The following CNOT1 variants were observed in gnomAD, a reference collection of about 807,000 sequenced individuals.
The protein encoded by CNOT1 is CCR4-NOT transcription complex subunit 1, also known as CCR4-associated factor 1.
Under a neutral mutation model 273.8 loss-of-function variants are expected in CNOT1, and 15 were observed. That is an observed-to-expected ratio of 0.05 (90% CI 0.04 to 0.08). The LOEUF (loss-of-function observed/expected upper bound fraction) is 0.08. Ranked by LOEUF, CNOT1 falls within the 10% of genes least tolerant of loss-of-function variation. The probability of loss-of-function intolerance (pLI) is 1.00; values close to 1 mark genes in which losing one functional copy is unlikely to be tolerated. For synonymous variants in CNOT1, 1,022 were observed against 1,005.5 expected, an observed-to-expected ratio of 1.02 and a Z score of -0.31; for missense variants, 1,644 against 2,912.2, an observed-to-expected ratio of 0.56 and a Z score of 10.02.
At chr16:58,528,446 A>G in intron 44 of CNOT1, 29 bp downstream of exon 44, 1 of 1,536,066 alleles carries the variant, frequency 6.5e-7, no homozygotes, top group Non-Finnish European at 9.0e-7. Context: ...TTAAGACATA[A>G]GTTTTCCTTT....
chr16:58,528,451 T>C (rs2039675028), intron 44 of CNOT1, 24 bp downstream of exon 44: 1 of 1,571,246 alleles, frequency 6.4e-7, no homozygotes, highest in African/African-American at 1.4e-5. Context: ...ACATAAGTTT[T>C]CCTTTAACTA....
rs978941896 is a variant in CNOT1 at position 58,526,341 on chromosome 16, T to C, written c.6454-203A>G. 2.0e-5 allele frequency among the ~76,000 whole-genome samples: 3 copies of C among 152,010 alleles called. No homozygotes were observed. In the East Asian group the frequency reaches 5.8e-4, roughly 29 times the overall value. ...ATGATAAAAATTTCCCACTCTATAATGTATTTCCTTCCCAGAGGCAAGATA... is the reference window on the plus strand; with the variant it reads ...ATGATAAAAATTTCCCACTCTATAACGTATTTCCTTCCCAGAGGCAAGATA... On this transcript the variant is annotated intron_variant, in intron 44 of 48. Coordinates refer to ENST00000317147, the MANE Select transcript of CNOT1 (RefSeq NM_016284.5).
At chr16:58,527,653 G>A (rs1448487349) in intron 44 of CNOT1, among the ~76,000 whole-genome samples, 1 of 152,138 alleles carries the variant, frequency 6.6e-6, no homozygotes, top group East Asian at 1.9e-4. Context: ...GGTATCATAA[G>A]CACTACAGAT....
rs773593983 is a variant in CNOT1, at chr16:58,587,353, C to T, written c.370G>A (p.Val124Ile). The change falls in exon 5 of 49, where the codon GTA becomes ATA. Residue 124 changes from valine to isoleucine, a missense_variant. Around this residue, in one of 13 missense-constraint regions of CNOT1, gnomAD observed 706 missense variants for 1,021.2 expected, o/e 0.69. Transcript: ENST00000317147. ...QLSKVLKLSK[V>I]QEVIFGLALL... Reference sequence around the variant, plus strand: ...TTTCATAAATCACTCACCTCTTGTACTTTGCTTAATTTGAGCACTTTACTC... The same window carrying T: ...TTTCATAAATCACTCACCTCTTGTATTTTGCTTAATTTGAGCACTTTACTC... 1 of 1,614,004 alleles carries T rather than the reference C, an allele frequency of 6.2e-7. No homozygotes were observed. Among genetic ancestry groups the T allele is most frequent in the Non-Finnish European group, 8.5e-7 (1 of 1,179,968 alleles).
chr16:58,525,904 C>T (rs78673487), intron 45 of CNOT1, 85 bp downstream of exon 45: 11 of 1,154,600 alleles, frequency 9.5e-6, no homozygotes, highest in Admixed American at 4.3e-5. Context: ...AAAAGACTAA[C>T]TCCCAAATGG....
chr16:58,565,255 C>T (rs1265215747), intron 16 of CNOT1, among the ~76,000 whole-genome samples: 2 of 152,030 alleles, frequency 1.3e-5, no homozygotes, highest in Non-Finnish European at 2.9e-5. Flanking sequence ...TGGGACTCCA[C>T]GCATACAGAC....
chr16:58,590,310 A>C (rs530124078), intron 2 of CNOT1, among the ~76,000 whole-genome samples: 2 of 152,304 alleles, frequency 1.3e-5, no homozygotes, highest in African/African-American at 4.8e-5. Flanking sequence ...TTATAGTCCA[A>C]CTTCAAAGCC....
chr16:58,525,038 T>C (rs2039540172), intron 46 of CNOT1, 141 bp downstream of exon 46: 1 of 742,074 alleles, frequency 1.3e-6, no homozygotes, highest in Admixed American at 2.7e-5. Flanking sequence ...AAAGATAAAA[T>C]AATCAGCTAG....
intron 1 of CNOT1, among the ~76,000 whole-genome samples, chr16:58,613,242 C>T (rs967265442): frequency 1.3e-5 from 2 of 151,920 alleles, no homozygotes; most frequent in African/African-American, 2.4e-5. Flanking sequence ...TCATGTTGGC[C>T]AGGCTGGTCT....
intron 43 of CNOT1, among the ~76,000 whole-genome samples, chr16:58,529,661 G>A (rs973959070): frequency 1.3e-5 from 2 of 151,680 alleles, no homozygotes; most frequent in Non-Finnish European, 2.9e-5. Flanking sequence ...AATGTAATGA[G>A]ATCCCCCATG....
intron 2 of CNOT1, among the ~76,000 whole-genome samples, chr16:58,591,674 A>G (rs1357791666): frequency 6.6e-6 from 1 of 151,974 alleles, no homozygotes; most frequent in African/African-American, 2.4e-5. Context: ...GAATCGCTTG[A>G]ACCCAGGAGG....
At chr16:58,566,463 T>C (rs1165206116) in intron 16 of CNOT1, among the ~76,000 whole-genome samples, 3 of 151,300 alleles carry the variant, frequency 2.0e-5, no homozygotes, top group Non-Finnish European at 4.4e-5. Flanking sequence ...AATAAAAACA[T>C]TTTGCGCAAT....
intron 1 of CNOT1, among the ~76,000 whole-genome samples, chr16:58,610,633 G>A (rs188789374): frequency 2.2e-4 from 33 of 152,182 alleles, no homozygotes; most frequent in Non-Finnish European, 2.4e-4. Context: ...CACAAGGTCA[G>A]GAGATCGAAA....
At position 58,530,286 on chromosome 16, in the gene CNOT1, C is replaced by G; in HGVS notation, c.6239G>C (p.Arg2080Thr). The G allele has an allele frequency of 6.2e-7, 1 of 1,612,256 alleles. No homozygotes were observed. Among genetic ancestry groups the G allele is most frequent in the Non-Finnish European group, 8.5e-7 (1 of 1,178,764 alleles). Reference protein sequence around the residue: ...DLFKYLAPFLRNVELTKPMQI... With the variant: ...DLFKYLAPFLTNVELTKPMQI... ...CATAGGTTTGGTGAGTTCCACATTT[C>G]TAAGGAAAGGCGCTAAATATTTGAA... The change falls in exon 43 of 49, where the codon AGA becomes ACA. Residue 2080 changes from arginine (R) to threonine (T), a missense_variant. Physicochemically the swap from Arg to Thr is moderately conservative, Grantham distance 71. This residue lies in a region of CNOT1 where 25 missense variants were observed against 31.2 expected (regional missense o/e 0.80). Coordinates refer to ENST00000317147, the MANE Select transcript of CNOT1 (RefSeq NM_016284.5).
chr16:58,547,240 C>T lies in CNOT1; in HGVS notation c.3696G>A (p.Leu1232=), dbSNP rs760000646. 1 of 1,613,900 alleles carries T rather than the reference C, an allele frequency of 6.2e-7. No individual in the cohort carries two copies. The highest frequency in any genetic ancestry group is 2.2e-5 in the East Asian group (1 of 44,852). Residue 1232 remains leucine (L), a synonymous_variant, in exon 27 of 49, where the codon TTG becomes TTA. Transcript: ENST00000317147. This position sits in a 1 kb window ranked among gnomAD's most constrained non-coding sequence, Gnocchi z 4.0. ...LEAYVKGQQE[L]LYVVPFVAKV... ...TGGCAACAAAGGGCACTACATAGAG[C>T]AATTCTTGTTGTCCTTTAACATAAG...
At chr16:58,542,936 T>C (rs1014057097) in intron 31 of CNOT1, among the ~76,000 whole-genome samples, 11 of 152,004 alleles carry the variant, frequency 7.2e-5, no homozygotes, top group Non-Finnish European at 1.5e-4. Context: ...ACTAAAAAAA[T>C]ACATAAATTA....
intron 1 of CNOT1, among the ~76,000 whole-genome samples, chr16:58,612,145 A>C (rs2042924894): frequency 6.6e-6 from 1 of 152,068 alleles, no homozygotes; most frequent in South Asian, 2.1e-4. Context: ...AAAGACATCG[A>C]TCTAAAGGCA....
intron 16 of CNOT1, among the ~76,000 whole-genome samples, chr16:58,567,093 G>C (rs1028894280): frequency 1.3e-5 from 2 of 152,018 alleles, no homozygotes; most frequent in Non-Finnish European, 2.9e-5. Flanking sequence ...AGGTTGCATT[G>C]AGCTATGATT....
At chr16:58,530,782 C>T (rs1039510194) in intron 42 of CNOT1, 8 of 127,560 alleles carry the variant, frequency 6.3e-5, no homozygotes, top group Non-Finnish European at 1.4e-4. Context: ...AAAACTCCAT[C>T]AAAAAAAAAA....
Sources: allele counts gnomAD v4.1 joint callset (sites outside exome capture counted in the v4.1 genomes callset), GRCh38; gene constraint gnomAD v4.1.1; regional missense constraint gnomAD v4.1.1; non-coding constraint Gnocchi (gnomAD v3.1); transcripts MANE v1.5; gene names NCBI Gene and HGNC (gene_info 2026-07-23, HGNC 2026-07-21).